The following KSR2 variants were observed in gnomAD, a reference collection of about 807,000 sequenced individuals.
The protein encoded by KSR2 is kinase suppressor of ras 2.
In KSR2, 25 loss-of-function variants were observed where a neutral mutation model predicts 107.8. The observed-to-expected ratio is 0.23, with a 90% CI of 0.17 to 0.32. The LOEUF is 0.32. Ranked by LOEUF, KSR2 falls within the 10% of genes least tolerant of loss-of-function variation. The pLI is 1.00. For missense variants in KSR2, 887 were observed against 1,268.9 expected (o/e 0.70, Z 4.57); for synonymous variants, 480 against 507.0 (o/e 0.95, Z 0.71).
At chr12:117,552,604 C>A (rs1877385788) in intron 9 of KSR2, among the ~76,000 whole-genome samples, 1 of 152,164 alleles carries the variant, frequency 6.6e-6, no homozygotes. Context: ...CTGCTGAACC[C>A]AGGCTTTGAC....
chr12:117,932,751 G>A (rs1043121888), intron 1 of KSR2, among the ~76,000 whole-genome samples: 10 of 151,828 alleles, frequency 6.6e-5, no homozygotes, highest in South Asian at 6.2e-4. Flanking sequence ...AGTGGCTCAC[G>A]CCCATAATCC....
At chr12:117,572,699 TAAAA>T (rs35907962) in intron 7 of KSR2, among the ~76,000 whole-genome samples, 4 of 123,684 alleles carry the variant, frequency 3.2e-5, no homozygotes, top group Admixed American at 1.6e-4. Context: ...TCCAGCCCAT[TAAAA>T]AAAAAAAAAA....
intron 4 of KSR2, among the ~76,000 whole-genome samples, chr12:117,749,925 C>A (rs907030280): frequency 6.6e-6 from 1 of 151,886 alleles, no homozygotes; most frequent in African/African-American, 2.4e-5. Flanking sequence ...GGTACTAGGT[C>A]AATGCTGAAT....
intron 16 of KSR2, among the ~76,000 whole-genome samples, chr12:117,481,311 A>G (rs538259697): frequency 5.3e-5 from 8 of 152,154 alleles, no homozygotes; most frequent in African/African-American, 1.4e-4. Context: ...CTAACCCCCA[A>G]TTTGATTGTA....
intron 4 of KSR2, among the ~76,000 whole-genome samples, chr12:117,758,617 C>T (rs1319083336): frequency 2.0e-5 from 3 of 152,102 alleles, no homozygotes; most frequent in Non-Finnish European, 4.4e-5. Context: ...TACACAAATT[C>T]CAAAAAACAC....
At chr12:117,516,845 G>A (rs1874407674) in intron 14 of KSR2, among the ~76,000 whole-genome samples, 2 of 152,186 alleles carry the variant, frequency 1.3e-5, no homozygotes, top group African/African-American at 4.8e-5. Context: ...TATCCATAAA[G>A]ATGAATGTGT....
chr12:117,577,847 G>A (rs192385798), intron 7 of KSR2, among the ~76,000 whole-genome samples: 8 of 152,320 alleles, frequency 5.3e-5, no homozygotes, highest in Admixed American at 5.2e-4. Context: ...TTTGGGTGGG[G>A]ACACAGCCAG....
intron 17 of KSR2, among the ~76,000 whole-genome samples, chr12:117,473,251 G>A (rs1592905452): frequency 6.6e-6 from 1 of 152,168 alleles, no homozygotes; most frequent in Non-Finnish European, 1.5e-5. Context: ...TGGGAACTGT[G>A]AGTAACCATC....
chr12:117,866,526 T>C (rs754201780), intron 1 of KSR2, among the ~76,000 whole-genome samples: 18 of 152,230 alleles, frequency 1.2e-4, no homozygotes, highest in Non-Finnish European at 2.2e-4. Context: ...AATACATGTA[T>C]GTTAAAAAAT....
chr12:117,736,539 G>C (rs1887946326), intron 4 of KSR2, among the ~76,000 whole-genome samples: 1 of 152,240 alleles, frequency 6.6e-6, no homozygotes, highest in Non-Finnish European at 1.5e-5. Context: ...GCCGGGCACA[G>C]TGGCTCACAC....
At chr12:117,637,232 C>G (rs751588344) in intron 5 of KSR2, among the ~76,000 whole-genome samples, 2 of 152,206 alleles carry the variant, frequency 1.3e-5, no homozygotes, top group Non-Finnish European at 2.9e-5. Flanking sequence ...GCCAATTATA[C>G]ATCATTTGTT....
intron 4 of KSR2, among the ~76,000 whole-genome samples, chr12:117,680,296 A>G (rs1184148256): frequency 1.3e-5 from 2 of 152,200 alleles, no homozygotes; most frequent in Non-Finnish European, 2.9e-5. Flanking sequence ...GCTGTTCTTT[A>G]CGGGTATTAA....
intron 8 of KSR2, among the ~76,000 whole-genome samples, chr12:117,556,662 C>A (rs1360820384): frequency 1.3e-5 from 2 of 152,024 alleles, no homozygotes; most frequent in Non-Finnish European, 2.9e-5. Context: ...AGGGCAGATT[C>A]CCAGGAATAT....
chr12:117,966,744 C>A (rs567346404), intron 1 of KSR2, among the ~76,000 whole-genome samples: 3 of 151,478 alleles, frequency 2.0e-5, no homozygotes, highest in Non-Finnish European at 4.4e-5. Flanking sequence ...ATGTTGACAT[C>A]CAGCCAAATT....
intron 4 of KSR2, among the ~76,000 whole-genome samples, chr12:117,756,069 G>A (rs1182320491): frequency 6.6e-6 from 1 of 152,220 alleles, no homozygotes; most frequent in African/African-American, 2.4e-5. Flanking sequence ...GGCTTATAAG[G>A]TTTGTGGAAA....
chr12:117,478,599 T>C (rs1871953422), intron 16 of KSR2, among the ~76,000 whole-genome samples: 1 of 151,884 alleles, frequency 6.6e-6, no homozygotes, highest in Non-Finnish European at 1.5e-5. Flanking sequence ...CGCACCCTGC[T>C]AATTTTATTT....
chr12:117,796,627 T>G (rs564138783), intron 3 of KSR2, among the ~76,000 whole-genome samples: 1 of 152,266 alleles, frequency 6.6e-6, no homozygotes, highest in East Asian at 1.9e-4. Flanking sequence ...TACCCTTGAT[T>G]TCCCCAAGGC....
At chr12:117,505,630 T>C (rs905844904) in intron 14 of KSR2, among the ~76,000 whole-genome samples, 2 of 152,222 alleles carry the variant, frequency 1.3e-5, no homozygotes, top group Admixed American at 1.3e-4. Flanking sequence ...AAGGCTCAAC[T>C]ATCCACTTTT....
intron 16 of KSR2, among the ~76,000 whole-genome samples, chr12:117,484,148 T>G (rs2137140091): frequency 6.6e-6 from 1 of 152,300 alleles, no homozygotes; most frequent in Admixed American, 6.5e-5. Flanking sequence ...CCAGTTAAAT[T>G]AAAGGGTAGG....
Sources: allele counts gnomAD v4.1 joint callset (sites outside exome capture counted in the v4.1 genomes callset), GRCh38; gene constraint gnomAD v4.1.1; transcripts MANE v1.5; gene names NCBI Gene and HGNC (gene_info 2026-07-23, HGNC 2026-07-21).